The following RFTN2 variants were observed in gnomAD, a reference collection of about 807,000 sequenced individuals.
RFTN2 encodes raftlin-2.
RFTN2 carries 34 observed loss-of-function variants against 52.7 expected under a neutral mutation model. The ratio of observed to expected loss-of-function variants is 0.64; its 90% CI spans 0.49 to 0.86. The LOEUF is 0.86. Ranked by LOEUF, RFTN2 falls within the 40% of genes least tolerant of loss-of-function variation. The pLI, the probability that RFTN2 is intolerant of heterozygous loss-of-function variation, is 0.00. For synonymous variants in RFTN2, 203 were observed against 217.7 expected, an observed-to-expected ratio of 0.93 and a Z score of 0.59; for missense variants, 536 against 600.1, an observed-to-expected ratio of 0.89 and a Z score of 1.12.
intron 5 of RFTN2, among the ~76,000 whole-genome samples, chr2:197,625,826 C>A (rs2088350882): frequency 6.6e-6 from 1 of 150,952 alleles, no homozygotes; most frequent in South Asian, 2.1e-4. Context: ...GTTGCCCAGG[C>A]TGCACTGCCC....
intron 1 of RFTN2, 106 bp downstream of exon 1, chr2:197,675,214 A>G: frequency 1.2e-6 from 1 of 837,394 alleles, no homozygotes; most frequent in Non-Finnish European, 1.7e-6. Context: ...TGAATATACA[A>G]TCTCATTATG....
At chr2:197,625,026 A>C (rs1295224344) in intron 5 of RFTN2, among the ~76,000 whole-genome samples, 2 of 152,126 alleles carry the variant, frequency 1.3e-5, no homozygotes, top group African/African-American at 4.8e-5. Flanking sequence ...TCAGTCAGCC[A>C]CCATCAACAC....
intron 7 of RFTN2, among the ~76,000 whole-genome samples, chr2:197,613,235 G>A (rs1344428930): frequency 2.0e-5 from 3 of 152,162 alleles, no homozygotes; most frequent in Admixed American, 6.5e-5. Context: ...TAAGGATTGC[G>A]TCCCAAAACA....
chr2:197,626,484 G>A (rs890228149), intron 5 of RFTN2, among the ~76,000 whole-genome samples: 5 of 151,098 alleles, frequency 3.3e-5, no homozygotes, highest in Non-Finnish European at 5.9e-5. Context: ...GGATTGCCTC[G>A]GCCCAGGAGT....
In RFTN2 at chr2:197,631,130, A is replaced by G. The variant is rs755522929; in HGVS notation, c.809T>C (p.Val270Ala). 6 of 1,613,334 alleles carry G rather than the reference A, an allele frequency of 3.7e-6. No individual in the cohort carries two copies. The African/African-American group carries it at 5.3e-5, about 14-fold the overall frequency. Residue 270 changes from valine (V) to alanine (A), a missense_variant, in exon 5 of 9, where the codon GTA (valine) becomes GCA (alanine). Physicochemically the swap from Val to Ala is moderately conservative, Grantham distance 64. Coordinates refer to ENST00000295049, the MANE Select transcript of RFTN2 (RefSeq NM_144629.3). ...AYQEGILSMKVTRKGSVISTL... is the reference protein window; with the variant it reads ...AYQEGILSMKATRKGSVISTL... ...ACTAATGACTGATCCTTTTCTTGTTACTTTCATTGACAGGATGCCTTCCTG... is the reference window on the plus strand; with the variant it reads ...ACTAATGACTGATCCTTTTCTTGTTGCTTTCATTGACAGGATGCCTTCCTG...
At position 197,591,602 on chromosome 2, in the gene RFTN2, G is replaced by C. The variant is rs2087714348; in HGVS notation, c.1233+4389C>G. Reference sequence around the variant, plus strand: ...CCGTGGGACCGTGCACACTGGAGCAGGGGGCAGCACTCATTGGGGAGGCTC... The same window carrying C: ...CCGTGGGACCGTGCACACTGGAGCACGGGGCAGCACTCATTGGGGAGGCTC... On this transcript the variant is annotated intron_variant, in intron 8 of 8. Transcript: ENST00000295049. Among the ~76,000 whole-genome samples, 2 of 152,306 alleles carry C rather than the reference G, an allele frequency of 1.3e-5. 1 individual carries two copies. The highest frequency in any genetic ancestry group is 4.1e-4 in the South Asian group (2 of 4,824).
intron 1 of RFTN2, among the ~76,000 whole-genome samples, chr2:197,663,764 T>A (rs151109967): frequency 6.6e-6 from 1 of 152,280 alleles, no homozygotes; most frequent in Non-Finnish European, 1.5e-5. Flanking sequence ...AAGCTGCTTT[T>A]TTTATTGATC....
At position 197,619,041 on chromosome 2, in the gene RFTN2, T is replaced by C. The variant is rs1206331587; in HGVS notation, c.929-1120A>G. Among the ~76,000 whole-genome samples the C allele has an allele frequency of 3.4e-5, 5 of 147,146 alleles. No individual in the cohort carries two copies. In the East Asian group the frequency reaches 6.4e-4, roughly 19 times the overall value. On this transcript the variant is annotated intron_variant, in intron 5 of 8. Coordinates refer to ENST00000295049, the MANE Select transcript of RFTN2 (RefSeq NM_144629.3). The stretch of plus-strand genomic sequence containing the variant: ...CAGCCCCCTGCCCGGCCAGCCGCCC[T>C]GTCCGGGAGGTGAGGGGTGCCTCTG...
At chr2:197,625,099 C>T (rs1439500862) in intron 5 of RFTN2, among the ~76,000 whole-genome samples, 2 of 152,224 alleles carry the variant, frequency 1.3e-5, no homozygotes, top group African/African-American at 4.8e-5. Context: ...ATTCTCCCAC[C>T]TTGGCCTCCC....
In RFTN2 at chr2:197,572,243, T is replaced by G. The variant is rs897350067; in HGVS notation, c.1271A>C (p.Asn424Thr). Reference protein sequence around the residue: ...ASRHIKGEDKNKATSRSIGLD... With the variant: ...ASRHIKGEDKTKATSRSIGLD... Reference sequence around the variant, plus strand: ...TCCGATGCTTCTACTAGTGGCTTTATTCTTGTCTTCACCTTTTATGTGGCG... The same window carrying G: ...TCCGATGCTTCTACTAGTGGCTTTAGTCTTGTCTTCACCTTTTATGTGGCG... The change falls in exon 9 of 9, where the codon AAT becomes ACT. Residue 424 changes from asparagine to threonine, a missense_variant. Transcript: ENST00000295049. 2.5e-6 allele frequency: 4 copies of G among 1,614,254 alleles called. No individual in the cohort carries two copies. In the East Asian group the frequency reaches 6.7e-5, roughly 27 times the overall value.
chr2:197,644,226 C>G lies in RFTN2; in HGVS notation c.370G>C (p.Val124Leu), dbSNP rs761550076. 6.2e-7 allele frequency: 1 copy of G among 1,613,486 alleles called. No homozygotes were observed. Among genetic ancestry groups the G allele is most frequent in the East Asian group, 2.2e-5 (1 of 44,880 alleles). ...GAAGTTAGGGGACATTCCTCAATCA[C>G]GAGCCTTGGGCGTCTTTGTCCACTG... is the stretch of plus-strand genomic sequence containing the variant. ...APSGQRRPRLVIEECPLTSEA... is the reference protein window; with the variant it reads ...APSGQRRPRLLIEECPLTSEA... Residue 124 changes from valine (V) to leucine (L), a missense_variant, in exon 3 of 9, where the codon GTG becomes CTG. Transcript: ENST00000295049.
At chr2:197,607,594 C>T (rs1340472258) in intron 7 of RFTN2, among the ~76,000 whole-genome samples, 1 of 151,970 alleles carries the variant, frequency 6.6e-6, no homozygotes, top group Non-Finnish European at 1.5e-5. Flanking sequence ...CTTCATCTTA[C>T]ACATTAATTA....
chr2:197,668,962 C>T (rs947712960), intron 1 of RFTN2, among the ~76,000 whole-genome samples: 1 of 152,152 alleles, frequency 6.6e-6, no homozygotes, highest in Non-Finnish European at 1.5e-5. Flanking sequence ...TGGGGAGTCT[C>T]TCTCAGGCCT....
At chr2:197,598,837 T>C (rs1015232512) in intron 7 of RFTN2, among the ~76,000 whole-genome samples, 1 of 152,224 alleles carries the variant, frequency 6.6e-6, no homozygotes, top group African/African-American at 2.4e-5. Context: ...TCAAAGGCAT[T>C]CACTGTTTTC....
intron 8 of RFTN2, among the ~76,000 whole-genome samples, chr2:197,574,590 G>T (rs571543395): frequency 9.9e-5 from 15 of 152,226 alleles, no homozygotes; most frequent in African/African-American, 3.4e-4. Flanking sequence ...ACTTTTGGCC[G>T]GGTGCAGTGG....
intron 2 of RFTN2, among the ~76,000 whole-genome samples, chr2:197,646,027 G>GA (rs950859749): frequency 8.9e-5 from 13 of 145,732 alleles, no homozygotes; most frequent in African/African-American, 5.0e-5. Context: ...ACTCTGTCTT[G>GA]AAAAAAAAAA....
At chr2:197,634,420 A>G (rs182569840) in intron 3 of RFTN2, among the ~76,000 whole-genome samples, 1 of 152,302 alleles carries the variant, frequency 6.6e-6, no homozygotes, top group East Asian at 1.9e-4. Flanking sequence ...AATTAAAAGC[A>G]AAATACATAT....
chr2:197,600,359 G>A (rs575072310), intron 7 of RFTN2, among the ~76,000 whole-genome samples: 9 of 152,258 alleles, frequency 5.9e-5, no homozygotes, highest in Non-Finnish European at 1.5e-5. Context: ...TCTTGGGGAC[G>A]TCCTCATAGT....
At chr2:197,626,529 A>C (rs1408186852) in intron 5 of RFTN2, among the ~76,000 whole-genome samples, 1 of 148,902 alleles carries the variant, frequency 6.7e-6, no homozygotes, top group Non-Finnish European at 1.5e-5. Context: ...GTGCCCTTGC[A>C]CTCCAGCCTG....
Sources: allele counts gnomAD v4.1 joint callset (sites outside exome capture counted in the v4.1 genomes callset), GRCh38; gene constraint gnomAD v4.1.1; transcripts MANE v1.5; gene names NCBI Gene and HGNC (gene_info 2026-07-23, HGNC 2026-07-21).